MORC3: variants seen among roughly 807,000 people sequenced by gnomAD.
MORC3 encodes the protein MORC family CW-type zinc finger 3.
Under a neutral mutation model 109.1 loss-of-function variants are expected in MORC3, and 31 were observed. That is an observed-to-expected ratio of 0.28 (90% CI 0.21 to 0.38). The LOEUF (loss-of-function observed/expected upper bound fraction) is 0.38. MORC3 is among the 10% of genes least tolerant of loss of function. The probability of loss-of-function intolerance (pLI) is 1.00; values close to 1 mark genes in which losing one functional copy is unlikely to be tolerated. For missense variants in MORC3, 867 were observed against 1,135.8 expected (o/e 0.76, Z 3.40); for synonymous variants, 395 against 380.7 (o/e 1.04, Z -0.44).
chr21:36,332,161 G>A (rs1229175710), intron 1 of MORC3, among the ~76,000 whole-genome samples: 1 of 150,502 alleles, frequency 6.6e-6, no homozygotes, highest in Admixed American at 6.6e-5. Context: ...GAGGCTGGGT[G>A]TGGTGGCTTA....
At chr21:36,343,368 A>G (rs925801299) in intron 6 of MORC3, among the ~76,000 whole-genome samples, 1 of 151,878 alleles carries the variant, frequency 6.6e-6, no homozygotes, top group Non-Finnish European at 1.5e-5. Context: ...TGTTGGGATT[A>G]CAGGTGTGAA....
chr21:36,321,809 C>G (rs1241819500), intron 1 of MORC3, among the ~76,000 whole-genome samples: 1 of 152,082 alleles, frequency 6.6e-6, no homozygotes, highest in African/African-American at 2.4e-5. Flanking sequence ...AGTTGATTTC[C>G]TGTTTCTGTC....
intron 1 of MORC3, chr21:36,320,779 T>C (rs989373430): frequency 6.3e-6 from 1 of 158,800 alleles, no homozygotes; most frequent in Admixed American, 6.5e-5. Flanking sequence ...TCAGGATGAG[T>C]GTGCCTGATG....
At chr21:36,347,007 TAA>T (rs754081259) in intron 8 of MORC3, among the ~76,000 whole-genome samples, 42 of 113,624 alleles carry the variant, frequency 3.7e-4, no homozygotes, top group African/African-American at 4.3e-4. Context: ...CCCTGTCTCT[TAA>T]AAAAAAAAAA....
chr21:36,322,155 TG>T (rs1338635575), intron 1 of MORC3, among the ~76,000 whole-genome samples: 1 of 152,086 alleles, frequency 6.6e-6, no homozygotes, highest in African/African-American at 2.4e-5. Flanking sequence ...CATTTGTAAA[TG>T]GTTGAGAAAA....
chr21:36,344,861 G>A, intron 7 of MORC3, 51 bp from the exon 8 acceptor site: 2 of 1,606,162 alleles, frequency 1.2e-6, no homozygotes, highest in Admixed American at 1.7e-5. Context: ...TAGAAAGGAT[G>A]ATTTGAACTG....
At chr21:36,341,685 G>A (rs1044273858) in intron 6 of MORC3, 139 bp downstream of exon 6, 2 of 1,186,888 alleles carry the variant, frequency 1.7e-6, no homozygotes, top group Admixed American at 2.8e-5. Context: ...ATTTTCCCTG[G>A]CCCACTCAGC....
At chr21:36,357,762 A>G (rs2085661735) in intron 10 of MORC3, among the ~76,000 whole-genome samples, 1 of 148,176 alleles carries the variant, frequency 6.7e-6, no homozygotes, top group Non-Finnish European at 1.5e-5. Context: ...TTTTTTTGAA[A>G]TGGAGTCTCA....
chr21:36,368,406 G>A (rs2085805215), intron 14 of MORC3, among the ~76,000 whole-genome samples: 1 of 152,162 alleles, frequency 6.6e-6, no homozygotes, highest in Non-Finnish European at 1.5e-5. Context: ...TGAAATGCCT[G>A]GAGGTGATCA....
chr21:36,326,297 G>A (rs2085247374), intron 1 of MORC3, among the ~76,000 whole-genome samples: 1 of 152,010 alleles, frequency 6.6e-6, no homozygotes, highest in African/African-American at 2.4e-5. Flanking sequence ...GCTAAGGCGG[G>A]CAGATCACTT....
intron 16 of MORC3, among the ~76,000 whole-genome samples, chr21:36,373,484 A>G (rs774778481): frequency 3.4e-5 from 5 of 148,090 alleles, no homozygotes; most frequent in Non-Finnish European, 7.5e-5. Context: ...TTAGCTTGGC[A>G]TGGTGGTGCA....
In MORC3 at chr21:36,320,257, C is replaced by T. The variant is rs761982065; in HGVS notation, c.-8C>T. On this transcript the variant is annotated 5_prime_UTR_variant, in exon 1 of 17. Transcript: ENST00000400485. ...GGAGGCCGTTCCTGGCTTTGTAGCT[C>T]GCTCAAGATGGCGGCGCAGCCACCC... 7.6e-6 allele frequency: 12 copies of T among 1,581,144 alleles called. No individual in the cohort carries two copies. The South Asian group carries it at 1.1e-4, about 15-fold the overall frequency.
chr21:36,369,840 C>A lies in MORC3; in HGVS notation c.2472C>A (p.Asp824Glu). The A allele has an allele frequency of 6.2e-7, 1 of 1,613,538 alleles. No homozygotes were observed. Among genetic ancestry groups the A allele is most frequent in the Non-Finnish European group, 8.5e-7 (1 of 1,180,028 alleles). Residue 824 changes from aspartate (D) to glutamate (E), a missense_variant, in exon 15 of 17, where the codon GAC becomes GAA. Asp to Glu is a conservative substitution (Grantham distance 45). This residue lies in a region of MORC3 where 486 missense variants were observed against 502.1 expected (regional missense o/e 0.97). Transcript: ENST00000400485. ...VQLDDVFRQL[D>E]KCSIERDQYK... ...TTGACGATGTGTTTAGACAACTGGA[C>A]AAATGCAGTATTGAGAGGGACCAGT...
intron 12 of MORC3, chr21:36,361,953 A>G (rs928143285): frequency 3.8e-5 from 22 of 576,394 alleles, no homozygotes; most frequent in Non-Finnish European, 6.2e-5. Context: ...CTTAGTGGAG[A>G]AAAAAACACC....
chr21:36,341,625 T>TGTGATAGAA, intron 6 of MORC3, 79 bp downstream of exon 6: 10 of 1,572,414 alleles, frequency 6.4e-6, no homozygotes, highest in Non-Finnish European at 8.6e-6. Flanking sequence ...GTTACCTGCT[T>TGTGATAGAA]GTGATAGAAA....
chr21:36,364,139 G>C lies in MORC3; in HGVS notation c.1499G>C (p.Ser500Thr). The C allele has an allele frequency of 6.2e-7, 1 of 1,614,090 alleles. No homozygotes were observed. The highest frequency in any genetic ancestry group is 8.5e-7 in the Non-Finnish European group (1 of 1,180,014). The change falls in exon 14 of 17, where the codon AGC (serine) becomes ACC (threonine). Residue 500 changes from serine (S) to threonine (T), a missense_variant. Ser to Thr is a moderately conservative substitution (Grantham distance 58, BLOSUM62 1). This residue lies in a region of MORC3 where 486 missense variants were observed against 502.1 expected (regional missense o/e 0.97). Transcript: ENST00000400485. ...CGGCCAACTGCTCTTTCAACTCCAA[G>C]CTTTTCTTCTCCTAAGGAAAGTGTT... ...LFRPTALSTP[S>T]FSSPKESVPR...
intron 15 of MORC3, among the ~76,000 whole-genome samples, chr21:36,370,513 T>C (rs1406799623): frequency 6.6e-6 from 1 of 151,102 alleles, no homozygotes; most frequent in East Asian, 1.9e-4. Context: ...GTTAATCCTT[T>C]AGTTATGGAG....
intron 1 of MORC3, among the ~76,000 whole-genome samples, chr21:36,330,158 G>A (rs1013588250): frequency 2.6e-5 from 4 of 151,946 alleles, no homozygotes; most frequent in South Asian, 2.1e-4. Flanking sequence ...CACCAGACCC[G>A]TCCTGAGCCA....
intron 10 of MORC3, 102 bp downstream of exon 10, chr21:36,356,826 CAT>C (rs907442456): frequency 3.1e-6 from 2 of 654,514 alleles, no homozygotes; most frequent in African/African-American, 3.8e-5. Context: ...GACTGTAACT[CAT>C]AGGAATAAAT....
Sources: allele counts gnomAD v4.1 joint callset (sites outside exome capture counted in the v4.1 genomes callset), GRCh38; gene constraint gnomAD v4.1.1; regional missense constraint gnomAD v4.1.1; transcripts MANE v1.5; gene names NCBI Gene and HGNC (gene_info 2026-07-23, HGNC 2026-07-21).